Variants in RAB3IP observed in about 807,000 individuals in gnomAD.
RAB3IP encodes the protein RAB3A interacting protein, also known as rab-3A-interacting protein.
A neutral mutation model predicts 59.1 loss-of-function variants in RAB3IP; 36 were observed. That is an observed-to-expected ratio of 0.61 (90% CI 0.47 to 0.80). The LOEUF (loss-of-function observed/expected upper bound fraction) is 0.80, where lower values mean the gene tolerates loss of function less well. RAB3IP is among the 30% of genes least tolerant of loss of function. RAB3IP has a pLI of 0.00. For missense variants in RAB3IP, 511 were observed against 536.0 expected (o/e 0.95, Z 0.46); for synonymous variants, 207 against 191.2 (o/e 1.08, Z -0.68).
At chr12:69,739,882 A>G (rs1463025530) in intron 1 of RAB3IP, 1 of 1,613,834 alleles carries the variant, frequency 6.2e-7, no homozygotes, top group South Asian at 1.1e-5. Context: ...AAGGTCTTGA[A>G]AGACACGAGC....
At chr12:69,780,711 A>G (rs1427409921) in intron 3 of RAB3IP, among the ~76,000 whole-genome samples, 1 of 152,182 alleles carries the variant, frequency 6.6e-6, no homozygotes, top group Non-Finnish European at 1.5e-5. Flanking sequence ...GTTGGAGCCA[A>G]TTTACAGGGT....
At chr12:69,738,615 C>T (rs1204173492), upstream of RAB3IP, 1 of 151,974 alleles carries the variant, frequency 6.6e-6, no homozygotes, top group African/African-American at 2.4e-5. Context: ...GAGCGCGGGC[C>T]CGACGAAACA....
rs927423855 is a variant in RAB3IP at position 69,820,801 on chromosome 12, T to C, written c.*5355T>C. On this transcript the variant is annotated 3_prime_UTR_variant, in exon 11 of 11. Coordinates refer to ENST00000247833, the MANE Select transcript of RAB3IP (RefSeq NM_022456.5). ...CGAACCCAGGAGGCAGAGGTTGTGG[T>C]GAGTTGACATCACGCCATTGCACTC... is the stretch of plus-strand genomic sequence containing the variant. The C allele has an allele frequency of 1.4e-5, 2 of 139,424 alleles. No homozygotes were observed. The highest frequency in any genetic ancestry group is 5.4e-5 in the African/African-American group (2 of 36,738). 8.6% of individuals were successfully genotyped at this position (139,424 alleles called of 1,614,324 possible). A position where few individuals can be genotyped will look rare whatever the true frequency, so the allele number is the denominator to read the frequency against.
Position 69,790,741 on chromosome 12 carries a change from C to T in RAB3IP, c.607-3696C>T, listed in dbSNP as rs142943122. Among the ~76,000 whole-genome samples the T allele has an allele frequency of 4.4e-3, 673 of 152,136 alleles. 4 individuals are homozygous for T. Among genetic ancestry groups the T allele is most frequent in the African/African-American group, 0.015 (625 of 41,516 alleles). On this transcript the variant is annotated intron_variant, in intron 4 of 10. Coordinates refer to ENST00000247833, the MANE Select transcript of RAB3IP (RefSeq NM_022456.5). Reference sequence around the variant, plus strand: ...CTGGGATTACAGGTGTGCACCACCACGCCCAGATAATTTTTGTATTTTTAG... The same window carrying T: ...CTGGGATTACAGGTGTGCACCACCATGCCCAGATAATTTTTGTATTTTTAG...
At chr12:69,771,707 G>A (rs1481436607) in intron 3 of RAB3IP, among the ~76,000 whole-genome samples, 1 of 151,988 alleles carries the variant, frequency 6.6e-6, no homozygotes, top group African/African-American at 2.4e-5. Context: ...TAATTTTTGG[G>A]AGAACCTCCA....
At chr12:69,768,624 A>T (rs1317008450) in intron 3 of RAB3IP, among the ~76,000 whole-genome samples, 1 of 152,198 alleles carries the variant, frequency 6.6e-6, no homozygotes, top group Non-Finnish European at 1.5e-5. Context: ...GGCACCCAGC[A>T]GTGTCTCACG....
Position 69,755,529 on chromosome 12 carries a change from T to C in RAB3IP, c.121T>C (p.Tyr41His), listed in dbSNP as rs1197437240. 2 of 1,614,030 alleles carry C rather than the reference T, an allele frequency of 1.2e-6. No individual in the cohort carries two copies. Among genetic ancestry groups the C allele is most frequent in the Non-Finnish European group, 1.7e-6 (2 of 1,180,030 alleles). Residue 41 changes from tyrosine to histidine, a missense_variant, in exon 2 of 11, where the codon TAC becomes CAC. Tyr to His is a moderately conservative substitution (Grantham distance 83). Coordinates refer to ENST00000247833, the MANE Select transcript of RAB3IP (RefSeq NM_022456.5). ...QEQTTSPSVI[Y>H]RPHPSALSSV... Reference sequence around the variant, plus strand: ...GCAGACTACCTCACCAAGTGTCATCTACCGGCCACACCCTTCAGCTTTATC... The same window carrying C: ...GCAGACTACCTCACCAAGTGTCATCCACCGGCCACACCCTTCAGCTTTATC...
Position 69,800,297 on chromosome 12 carries a change from A to AT in RAB3IP, c.977_978insT (p.Gln326HisfsTer14). The AT allele has an allele frequency of 6.3e-7, 1 of 1,594,768 alleles. No homozygotes were observed. The highest frequency in any genetic ancestry group is 8.6e-7 in the Non-Finnish European group (1 of 1,168,996). ...TGTCCTTTCTTAGACAAAATCTACCAGGAAGATATCTTTCCATGTTTAACA... is the reference window on the plus strand; with the variant it reads ...TGTCCTTTCTTAGACAAAATCTACCATGGAAGATATCTTTCCATGTTTAACA... On this transcript the variant is annotated frameshift_variant, in exon 7 of 11. Coordinates refer to ENST00000247833, the MANE Select transcript of RAB3IP (RefSeq NM_022456.5). LOFTEE classifies it high-confidence loss of function.
chr12:69,809,626 T>C (rs1880073579), intron 8 of RAB3IP, among the ~76,000 whole-genome samples: 1 of 152,160 alleles, frequency 6.6e-6, no homozygotes, highest in South Asian at 2.1e-4. Context: ...TCTAAACTTC[T>C]CTTCACGCTT....
Position 69,816,127 on chromosome 12 carries a change from A to G in RAB3IP, c.*681A>G, listed in dbSNP as rs1344051610. 6.6e-6 allele frequency: 1 copy of G among 152,244 alleles called. No individual in the cohort carries two copies. Among genetic ancestry groups the G allele is most frequent in the Non-Finnish European group, 1.5e-5 (1 of 68,042 alleles). 9.4% of individuals were successfully genotyped at this position (152,244 alleles called of 1,614,324 possible). A position where few individuals can be genotyped will look rare whatever the true frequency, so the allele number is the denominator to read the frequency against. ...TCATGTTTTATATGTGTTGACCACT[A>G]TATTGTCATTGGAGGGACATAGATG... On this transcript the variant is annotated 3_prime_UTR_variant, in exon 11 of 11. Transcript: ENST00000247833.
intron 3 of RAB3IP, 35 bp downstream of exon 3, chr12:69,756,698 A>G (rs2136129929): frequency 6.5e-7 from 1 of 1,545,490 alleles, no homozygotes; most frequent in Non-Finnish European, 8.8e-7. Flanking sequence ...TCCATATATT[A>G]TATTAGAAAT....
At chr12:69,744,691 C>A in intron 1 of RAB3IP, among the ~76,000 whole-genome samples, 1 of 130,022 alleles carries the variant, frequency 7.7e-6, no homozygotes, top group South Asian at 2.6e-4. Flanking sequence ...GACTGCATCT[C>A]AAAAAAAAAA....
At chr12:69,813,523 CCA>C (rs1880758908) in intron 10 of RAB3IP, among the ~76,000 whole-genome samples, 1 of 151,978 alleles carries the variant, frequency 6.6e-6, no homozygotes, top group African/African-American at 2.4e-5. Context: ...ATAAAGATTG[CCA>C]TATTCTAAAT....
At chr12:69,769,024 A>G (rs1872682227) in intron 3 of RAB3IP, among the ~76,000 whole-genome samples, 1 of 152,046 alleles carries the variant, frequency 6.6e-6, no homozygotes, top group South Asian at 2.1e-4. Context: ...TTCTCCTGAT[A>G]CTGAATAAGT....
At chr12:69,807,846 G>A (rs1879713361) in intron 8 of RAB3IP, among the ~76,000 whole-genome samples, 1 of 144,242 alleles carries the variant, frequency 6.9e-6, no homozygotes, top group African/African-American at 2.6e-5. Context: ...GCCGTGCGGA[G>A]GCGCTCCTCA....
In RAB3IP at chr12:69,815,547, CT is replaced by C; in HGVS notation, c.*107del. 6 of 799,824 alleles carry C rather than the reference CT, an allele frequency of 7.5e-6. No individual in the cohort carries two copies. Among genetic ancestry groups the C allele is most frequent in the South Asian group, 1.7e-5 (1 of 59,928 alleles). 49.5% of individuals were successfully genotyped at this position (799,824 alleles called of 1,614,324 possible). A position where few individuals can be genotyped will look rare whatever the true frequency, so the allele number is the denominator to read the frequency against. ...TTATTTCCAAGGAGTGAGCCTAAGA[CT>C]TTTTTCCCCTTTTGCAAATTGCTCT... On this transcript the variant is annotated 3_prime_UTR_variant, in exon 11 of 11. Coordinates refer to ENST00000247833, the MANE Select transcript of RAB3IP (RefSeq NM_022456.5).
In RAB3IP at chr12:69,805,568, T is replaced by C. The variant is rs559129475; in HGVS notation, c.1130+3847T>C. 3.2e-3 allele frequency among the ~76,000 whole-genome samples: 492 copies of C among 151,464 alleles called. 5 individuals carry two copies. The highest frequency in any genetic ancestry group is 0.011 in the African/African-American group (443 of 41,444). On this transcript the variant is annotated intron_variant, in intron 8 of 10. Transcript: ENST00000247833. The stretch of plus-strand genomic sequence containing the variant: ...AGTGGTGAGAGAGGGCATCCCTGTC[T>C]TGTGCCAGTTTTCAAAGGGAATGCT...
At chr12:69,803,406 A>C (rs1878697790) in intron 8 of RAB3IP, among the ~76,000 whole-genome samples, 1 of 152,164 alleles carries the variant, frequency 6.6e-6, no homozygotes, top group Non-Finnish European at 1.5e-5. Flanking sequence ...ACAGCACTGT[A>C]GGAATTTTGA....
chr12:69,741,324 A>G (rs2136090355), intron 1 of RAB3IP, among the ~76,000 whole-genome samples: 1 of 152,350 alleles, frequency 6.6e-6, no homozygotes, highest in African/African-American at 2.4e-5. Flanking sequence ...ACTTAGTTGT[A>G]GGTGGTCGTA....
Sources: gnomAD v4.1 joint callset for allele counts (sites outside exome capture counted in the v4.1 genomes callset) on GRCh38, gnomAD v4.1.1 for gene constraint, MANE v1.5 for transcripts, NCBI Gene and HGNC (gene_info 2026-07-23, HGNC 2026-07-21) for gene names.